The following PPP1R21 variants were observed in gnomAD, a reference collection of about 807,000 sequenced individuals.
PPP1R21 encodes the protein KLRAQ motif containing 1.
PPP1R21 carries 85 observed loss-of-function variants against 112.8 expected under a neutral mutation model. That is an observed-to-expected ratio of 0.75 (90% CI 0.63 to 0.90). The LOEUF (loss-of-function observed/expected upper bound fraction) is 0.90. Among genes scored for constraint, PPP1R21 ranks in the 40% least tolerant of loss-of-function variants. The pLI, the probability that PPP1R21 is intolerant of heterozygous loss-of-function variation, is 0.00. For missense variants in PPP1R21, 1,199 were observed against 901.5 expected (o/e 1.33, Z -4.23); for synonymous variants, 381 against 322.3 (o/e 1.18, Z -1.95).
intron 1 of PPP1R21, among the ~76,000 whole-genome samples, chr2:48,448,114 A>G (rs186832576): frequency 7.8e-4 from 119 of 152,356 alleles, no homozygotes; most frequent in African/African-American, 2.6e-3. Flanking sequence ...TAAAATGGCA[A>G]TAGAGTATGC....
intron 13 of PPP1R21, among the ~76,000 whole-genome samples, chr2:48,480,306 C>T (rs899580806): frequency 1.3e-5 from 2 of 152,192 alleles, no homozygotes; most frequent in African/African-American, 2.4e-5. Context: ...TTGTACAAAA[C>T]CAGACATGCT....
In PPP1R21 at chr2:48,454,627, A is replaced by G. The variant is rs764506781; in HGVS notation, c.159A>G (p.Arg53=). Reference sequence around the variant, plus strand: ...TGAAAATGAAGGATCAGTCATTGAGAAAACTACAACAGGAAATGGACAGTT... The same window carrying G: ...TGAAAATGAAGGATCAGTCATTGAGGAAACTACAACAGGAAATGGACAGTT... ...EQLKMKDQSL[R]KLQQEMDSLT... is the part of the protein sequence containing the mutation. The change falls in exon 3 of 22, where the codon AGA becomes AGG. Residue 53 remains arginine, a synonymous_variant. Transcript: ENST00000294952. The G allele has an allele frequency of 6.2e-6, 10 of 1,614,068 alleles. No homozygotes were observed. Among genetic ancestry groups the G allele is most frequent in the Non-Finnish European group, 8.5e-6 (10 of 1,179,996 alleles).
chr2:48,448,781 T>C (rs1667357209), intron 1 of PPP1R21, among the ~76,000 whole-genome samples: 1 of 152,240 alleles, frequency 6.6e-6, no homozygotes, highest in East Asian at 1.9e-4. Flanking sequence ...TTTCTCTCTT[T>C]TGAACTTCTA....
chr2:48,474,301 T>C (rs1668648574), intron 11 of PPP1R21, among the ~76,000 whole-genome samples: 1 of 152,130 alleles, frequency 6.6e-6, no homozygotes, highest in Non-Finnish European at 1.5e-5. Flanking sequence ...GAGAATGGCT[T>C]GAACCTGGGA....
At chr2:48,505,638 TG>T in intron 18 of PPP1R21, 42 bp downstream of exon 18, 1 of 1,481,840 alleles carries the variant, frequency 6.7e-7, no homozygotes, top group Non-Finnish European at 9.2e-7. Flanking sequence ...AGTAAATATC[TG>T]GCAGCATGTT....
At chr2:48,497,398 T>C (rs1324162164) in intron 16 of PPP1R21, among the ~76,000 whole-genome samples, 2 of 152,232 alleles carry the variant, frequency 1.3e-5, no homozygotes, top group Non-Finnish European at 2.9e-5. Context: ...GAAGCCTTCC[T>C]CATGCCCATT....
At chr2:48,482,032 A>G (rs1669036334) in intron 13 of PPP1R21, among the ~76,000 whole-genome samples, 1 of 152,230 alleles carries the variant, frequency 6.6e-6, no homozygotes, top group Non-Finnish European at 1.5e-5. Flanking sequence ...CTTCTTATGT[A>G]TATGCGAATA....
chr2:48,464,636 T>A (rs1668120460), intron 7 of PPP1R21, among the ~76,000 whole-genome samples: 1 of 152,150 alleles, frequency 6.6e-6, no homozygotes, highest in South Asian at 2.1e-4. Flanking sequence ...AGCAAGAACG[T>A]CATGAGCCTT....
chr2:48,511,196 C>G, intron 20 of PPP1R21, 144 bp from the exon 21 acceptor site: 1 of 839,260 alleles, frequency 1.2e-6, no homozygotes, highest in Non-Finnish European at 1.9e-6. Context: ...AATAATTCTT[C>G]TTTTGTAGCT....
intron 9 of PPP1R21, among the ~76,000 whole-genome samples, chr2:48,469,509 C>CATAT (rs374280494): frequency 3.4e-5 from 2 of 59,308 alleles, no homozygotes; most frequent in Admixed American, 3.9e-4. Context: ...ATATATAGAG[C>CATAT]ATATATATAT....
chr2:48,502,680 T>TC (rs1312393815), intron 17 of PPP1R21, among the ~76,000 whole-genome samples: 20 of 142,852 alleles, frequency 1.4e-4, no homozygotes, highest in African/African-American at 4.5e-4. Flanking sequence ...ACTTTTCTTT[T>TC]TTTTTTTTTT....
At chr2:48,455,226 A>T (rs893343861) in intron 3 of PPP1R21, among the ~76,000 whole-genome samples, 1 of 145,940 alleles carries the variant, frequency 6.9e-6, no homozygotes. Flanking sequence ...AGCTCACCAC[A>T]ACCTCTGCCT....
chr2:48,488,750 A>G (rs1669426194), intron 14 of PPP1R21, among the ~76,000 whole-genome samples: 1 of 152,226 alleles, frequency 6.6e-6, no homozygotes, highest in Non-Finnish European at 1.5e-5. Flanking sequence ...ATTTGAACTA[A>G]TGTTAGTTGG....
chr2:48,486,457 C>T (rs142715106), intron 13 of PPP1R21, among the ~76,000 whole-genome samples, 174 bp from the exon 14 acceptor site: 149 of 152,208 alleles, frequency 9.8e-4, no homozygotes, highest in Non-Finnish European at 1.8e-3. Flanking sequence ...TCTGTTCTTT[C>T]CATGTAGATT....
At chr2:48,501,979 T>G (rs1030548550) in intron 17 of PPP1R21, 4 of 152,192 alleles carry the variant, frequency 2.6e-5, no homozygotes, top group Non-Finnish European at 5.9e-5. Context: ...ACCATGCTAA[T>G]TTCTGTATCG....
chr2:48,448,694 G>A (rs1218587988), intron 1 of PPP1R21, among the ~76,000 whole-genome samples: 1 of 152,196 alleles, frequency 6.6e-6, no homozygotes, highest in East Asian at 1.9e-4. Context: ...CTGTGAAGTA[G>A]CACATTATTC....
At chr2:48,479,814 T>C (rs1298877152) in intron 12 of PPP1R21, 110 bp from the exon 13 acceptor site, 1 of 744,418 alleles carries the variant, frequency 1.3e-6, no homozygotes, top group Non-Finnish European at 2.4e-6. Flanking sequence ...AGGCATTATT[T>C]CTAGCACATT....
chr2:48,510,528 T>C (rs1670591436), intron 20 of PPP1R21, among the ~76,000 whole-genome samples: 1 of 152,254 alleles, frequency 6.6e-6, no homozygotes, highest in African/African-American at 2.4e-5. Context: ...TTTTAAATCT[T>C]TGTTTTCAGA....
Position 48,495,703 on chromosome 2 carries a change from G to C in PPP1R21, c.1624G>C (p.Glu542Gln), listed in dbSNP as rs149755305. 1.9e-6 allele frequency: 3 copies of C among 1,611,036 alleles called. No individual in the cohort carries two copies. The highest frequency in any genetic ancestry group is 2.7e-5 in the African/African-American group (2 of 74,826). ...RKPLLESVPY[E>Q]EALANRRILL... Reference sequence around the variant, plus strand: ...GCCCCTCTTGGAGTCTGTGCCTTATGAAGAAGCACTGGCAAACCGCCGCAT... The same window carrying C: ...GCCCCTCTTGGAGTCTGTGCCTTATCAAGAAGCACTGGCAAACCGCCGCAT... The change falls in exon 16 of 22, where the codon GAA becomes CAA. Residue 542 changes from glutamate to glutamine, a missense_variant. Glu to Gln is a conservative substitution (Grantham distance 29). Transcript: ENST00000294952.
Sources: gnomAD v4.1 joint callset for allele counts (sites outside exome capture counted in the v4.1 genomes callset) on GRCh38, gnomAD v4.1.1 for gene constraint, MANE v1.5 for transcripts, NCBI Gene and HGNC (gene_info 2026-07-23, HGNC 2026-07-21) for gene names.